RORA: variants seen among roughly 807,000 people sequenced by gnomAD.
The protein encoded by RORA is nuclear receptor ROR-alpha.
Under a neutral mutation model 69.5 loss-of-function variants are expected in RORA, and 7 were observed. The observed-to-expected ratio is 0.10, with a 90% CI of 0.06 to 0.19. The LOEUF is 0.19. Ranked by LOEUF, RORA falls within the 10% of genes least tolerant of loss-of-function variation. The probability of loss-of-function intolerance (pLI) is 1.00; values close to 1 mark genes in which losing one functional copy is unlikely to be tolerated. For synonymous variants in RORA, 261 were observed against 240.8 expected (o/e 1.08, Z -0.78); for missense variants, 457 against 663.0 (o/e 0.69, Z 3.41).
chr15:60,547,653 C>A (rs2067114159), intron 2 of RORA: 1 of 147,246 alleles, frequency 6.8e-6, no homozygotes, highest in African/African-American at 2.6e-5. Flanking sequence ...AGGAAAATGG[C>A]CTGGTTTGGT....
At chr15:60,810,296 T>C (rs938513278) in intron 1 of RORA, among the ~76,000 whole-genome samples, 3 of 152,238 alleles carry the variant, frequency 2.0e-5, no homozygotes, top group Non-Finnish European at 4.4e-5. Flanking sequence ...TTCATCACCC[T>C]CTGGTTTCCA....
chr15:61,058,512 C>T (rs372484525), intron 1 of RORA, among the ~76,000 whole-genome samples: 6 of 152,150 alleles, frequency 3.9e-5, no homozygotes, highest in African/African-American at 1.4e-4. Flanking sequence ...GCCCTGGGTT[C>T]AGGTCTGTGA....
chr15:60,962,136 C>G (rs1281792360), intron 1 of RORA, among the ~76,000 whole-genome samples: 1 of 152,130 alleles, frequency 6.6e-6, no homozygotes, highest in Non-Finnish European at 1.5e-5. Flanking sequence ...TAAAGTTGAG[C>G]TTTCTTCTTC....
chr15:60,981,184 T>C (rs1894035051), intron 1 of RORA, among the ~76,000 whole-genome samples: 1 of 152,006 alleles, frequency 6.6e-6, no homozygotes, highest in Non-Finnish European at 1.5e-5. Flanking sequence ...ATAATTTTAC[T>C]GAGGATTTCT....
chr15:60,785,215 A>T (rs554179650), intron 1 of RORA, among the ~76,000 whole-genome samples: 1 of 152,206 alleles, frequency 6.6e-6, no homozygotes, highest in Non-Finnish European at 1.5e-5. Context: ...GTCTGGTTTC[A>T]TGCACTCGAA....
At chr15:60,617,262 ATCAC>A (rs2069270033) in intron 2 of RORA, among the ~76,000 whole-genome samples, 1 of 152,178 alleles carries the variant, frequency 6.6e-6, no homozygotes, top group Admixed American at 6.5e-5. Context: ...GAATCAATCA[ATCAC>A]TCATACAAGG....
At chr15:60,592,462 C>A (rs533826863) in intron 2 of RORA, 1 of 1,383,248 alleles carries the variant, frequency 7.2e-7, no homozygotes, top group Non-Finnish European at 9.4e-7. Flanking sequence ...ATGGTCCGAC[C>A]CCGGAGCCCC....
At chr15:60,771,334 C>G (rs1322382788) in intron 1 of RORA, among the ~76,000 whole-genome samples, 1 of 152,202 alleles carries the variant, frequency 6.6e-6, no homozygotes, top group Non-Finnish European at 1.5e-5. Flanking sequence ...TCTTTTTAGA[C>G]CAGTGAGCTC....
intron 1 of RORA, among the ~76,000 whole-genome samples, chr15:61,182,027 T>C (rs1331016978): frequency 6.6e-6 from 1 of 152,220 alleles, no homozygotes; most frequent in Non-Finnish European, 1.5e-5. Flanking sequence ...GATTTCAAAA[T>C]ACCCTTAATG....
At chr15:61,202,103 G>C (rs901504371) in intron 1 of RORA, among the ~76,000 whole-genome samples, 2 of 151,150 alleles carry the variant, frequency 1.3e-5, no homozygotes, top group Non-Finnish European at 2.9e-5. Flanking sequence ...CGCCTCCCAG[G>C]TTCAAGCGAT....
chr15:60,515,027 G>A (rs1363847866), intron 3 of RORA, among the ~76,000 whole-genome samples: 1 of 152,172 alleles, frequency 6.6e-6, no homozygotes, highest in African/African-American at 2.4e-5. Context: ...CACAGGACCA[G>A]GTCCTTGTTC....
At chr15:60,699,897 T>G (rs1181515665) in intron 1 of RORA, among the ~76,000 whole-genome samples, 1 of 151,702 alleles carries the variant, frequency 6.6e-6, no homozygotes, top group Non-Finnish European at 1.5e-5. Context: ...TAGATTAGGA[T>G]TATATTCCTG....
chr15:60,828,238 C>T, intron 1 of RORA, among the ~76,000 whole-genome samples: 1 of 152,110 alleles, frequency 6.6e-6, no homozygotes. Flanking sequence ...CAGCACCCTT[C>T]CCTATCCTTT....
intron 2 of RORA, chr15:60,592,556 T>A (rs2068561569): frequency 3.2e-6 from 4 of 1,255,228 alleles, no homozygotes; most frequent in Non-Finnish European, 3.0e-6. Flanking sequence ...TCCCGAGCCA[T>A]AAGAGGCTCC....
chr15:61,218,330 G>A (rs2080061297), intron 1 of RORA, among the ~76,000 whole-genome samples: 1 of 152,012 alleles, frequency 6.6e-6, no homozygotes, highest in African/African-American at 2.4e-5. Context: ...CAAGCTGAAT[G>A]ACCCTTGTTT....
chr15:60,753,752 C>T (rs2071759688), intron 1 of RORA, among the ~76,000 whole-genome samples: 1 of 152,210 alleles, frequency 6.6e-6, no homozygotes, highest in African/African-American at 2.4e-5. Flanking sequence ...ATACAAGGAA[C>T]TACTTTAAGT....
At chr15:60,754,982 C>CT (rs34892513) in intron 1 of RORA, among the ~76,000 whole-genome samples, 2,958 of 144,750 alleles carry the variant, frequency 0.02, 49 homozygotes, top group South Asian at 0.089. Context: ...AGAGCTGAGT[C>CT]TTTTTTTTTT....
rs79444790 is a variant in RORA, at chr15:60,718,525, C to T, written c.167-39839G>A. On this transcript the variant is annotated intron_variant, in intron 1 of 10. Transcript: ENST00000335670. The stretch of plus-strand genomic sequence containing the variant: ...TCTGGCTAAATGAATGAAAGGTATC[C>T]GTCTGTGGTTTAATCACATTCGATT... Among the ~76,000 whole-genome samples the T allele has an allele frequency of 8.5e-5, 13 of 152,278 alleles. No homozygotes were observed. The East Asian group carries it at 1.9e-3, about 23-fold the overall frequency.
At chr15:60,550,712 G>A (rs189011453) in intron 2 of RORA, among the ~76,000 whole-genome samples, 2 of 152,282 alleles carry the variant, frequency 1.3e-5, no homozygotes, top group East Asian at 3.9e-4. Context: ...TCTAGATGGT[G>A]ACTCTCCAAG....
Sources: allele counts gnomAD v4.1 joint callset (sites outside exome capture counted in the v4.1 genomes callset), GRCh38; gene constraint gnomAD v4.1.1; transcripts MANE v1.5; gene names NCBI Gene and HGNC (gene_info 2026-07-23, HGNC 2026-07-21).